Variants in PALM observed in about 807,000 individuals in gnomAD.
PALM encodes paralemmin.
PALM carries 18 observed loss-of-function variants against 30.7 expected under a neutral mutation model. That is an observed-to-expected ratio of 0.59 (90% CI 0.41 to 0.87). PALM has a LOEUF of 0.87. Ranked by LOEUF, PALM falls within the 40% of genes least tolerant of loss-of-function variation. The pLI, the probability that PALM is intolerant of heterozygous loss-of-function variation, is 0.00. For missense variants in PALM, 529 were observed against 555.4 expected (o/e 0.95, Z 0.48); for synonymous variants, 286 against 242.8 (o/e 1.18, Z -1.66).
At chr19:721,102 G>C (rs1353295445) in intron 1 of PALM, among the ~76,000 whole-genome samples, 1 of 152,176 alleles carries the variant, frequency 6.6e-6, no homozygotes. Context: ...GGGGAACCGT[G>C]TGTGAGAGGC....
intron 3 of PALM, among the ~76,000 whole-genome samples, 172 bp from the exon 4 acceptor site, chr19:727,391 GA>G (rs1230494414): frequency 6.7e-6 from 1 of 150,116 alleles, no homozygotes; most frequent in Non-Finnish European, 1.5e-5. Flanking sequence ...CCCAGACCCT[GA>G]CCCCCAACCT....
At chr19:733,107 G>C (rs1160916827) in intron 5 of PALM, among the ~76,000 whole-genome samples, 2 of 152,246 alleles carry the variant, frequency 1.3e-5, no homozygotes, top group Non-Finnish European at 2.9e-5. Flanking sequence ...TGTATTTTTA[G>C]TAGAGACAGG....
intron 1 of PALM, among the ~76,000 whole-genome samples, chr19:710,190 G>C (rs1006215637): frequency 6.6e-6 from 1 of 152,178 alleles, no homozygotes; most frequent in African/African-American, 2.4e-5. Flanking sequence ...CACTGGGCGT[G>C]TTTTCTAAGC....
rs1028294720 is a variant in PALM, at chr19:742,165, G to A, written c.634+1682G>A. 6.6e-6 allele frequency among the ~76,000 whole-genome samples: 1 copy of A among 152,028 alleles called. No individual in the cohort carries two copies. Among genetic ancestry groups the A allele is most frequent in the Non-Finnish European group, 1.5e-5 (1 of 68,006 alleles). On this transcript the variant is annotated intron_variant, in intron 8 of 8. Transcript: ENST00000338448. This position sits in a 1 kb window ranked among gnomAD's most constrained non-coding sequence, Gnocchi z 5.5. The stretch of plus-strand genomic sequence containing the variant: ...GACCAAGACCCTGTCTCAAAAACAA[G>A]AAAGAGGAGAGAAGCCCCATCCCCA...
chr19:719,480 CG>C (rs1599139701), intron 1 of PALM: 1 of 985,088 alleles, frequency 1.0e-6, no homozygotes, highest in Non-Finnish European at 1.2e-6. Flanking sequence ...GGGCGTCGGG[CG>C]GGGGGCGTGG....
intron 7 of PALM, among the ~76,000 whole-genome samples, chr19:739,914 GA>G: frequency 6.6e-6 from 1 of 152,198 alleles, no homozygotes; most frequent in Non-Finnish European, 1.5e-5. Context: ...GGTGAGTCCA[GA>G]TCACACCACT....
chr19:717,297 G>C (rs920021280), intron 1 of PALM, among the ~76,000 whole-genome samples: 5 of 151,986 alleles, frequency 3.3e-5, no homozygotes, highest in African/African-American at 4.8e-5. Flanking sequence ...GTCCCCATTA[G>C]GCATCCCCTC....
In PALM at chr19:746,649, C is replaced by G; in HGVS notation, c.999C>G (p.Asp333Glu). Residue 333 changes from aspartate to glutamate, a missense_variant, in exon 9 of 9, where the codon GAC becomes GAG. Physicochemically the swap from Asp to Glu is conservative, Grantham distance 45. Coordinates refer to ENST00000338448, the MANE Select transcript of PALM (RefSeq NM_002579.3). This position sits in a 1 kb window ranked among gnomAD's most constrained non-coding sequence, Gnocchi z 7.1. ...CGGCGGAGCTGGTGGTCATCGAAGA[C>G]GCGGCTGAGCCCAAGGAGCCTGCAC... The part of the protein sequence containing the change: ...TITAELVVIE[D>E]AAEPKEPAPP... 1 of 1,612,434 alleles carries G rather than the reference C, an allele frequency of 6.2e-7. No individual in the cohort carries two copies. Among genetic ancestry groups the G allele is most frequent in the Non-Finnish European group, 8.5e-7 (1 of 1,179,702 alleles).
At chr19:739,790 A>G (rs2033132828) in intron 7 of PALM, among the ~76,000 whole-genome samples, 1 of 152,012 alleles carries the variant, frequency 6.6e-6, no homozygotes, top group African/African-American at 2.4e-5. Context: ...AGCCTGACCA[A>G]CATAGAGAAA....
chr19:723,459 C>T (rs777056786), intron 1 of PALM, among the ~76,000 whole-genome samples: 3 of 152,120 alleles, frequency 2.0e-5, no homozygotes, highest in Non-Finnish European at 2.9e-5. Context: ...CTTGGGACAC[C>T]CACCGCCAAC....
chr19:722,198 G>T (rs565678567), intron 1 of PALM, among the ~76,000 whole-genome samples: 2 of 152,142 alleles, frequency 1.3e-5, no homozygotes, highest in South Asian at 2.1e-4. Context: ...GATTACAGGC[G>T]TGAGCCAGCG....
At chr19:710,472 C>A (rs547671238) in intron 1 of PALM, among the ~76,000 whole-genome samples, 2 of 152,202 alleles carry the variant, frequency 1.3e-5, no homozygotes, top group South Asian at 2.1e-4. Flanking sequence ...AGCCTCTGGG[C>A]CTCTGACAGC....
chr19:717,983 A>G (rs1191434911), intron 1 of PALM, among the ~76,000 whole-genome samples: 2 of 152,100 alleles, frequency 1.3e-5, no homozygotes, highest in African/African-American at 4.8e-5. Context: ...GGAGTTCGAG[A>G]CCAGCCTGGC....
At position 727,151 on chromosome 19, in the gene PALM, A is replaced by C. The variant is rs1190821204; in HGVS notation, c.138+63A>C. 4 of 1,102,180 alleles carry C rather than the reference A, an allele frequency of 3.6e-6. No homozygotes were observed. The Admixed American group carries it at 8.0e-5, about 22-fold the overall frequency. The allele number at this position is 1,102,180 out of a possible 1,614,324, so 68.3% of individuals were successfully genotyped here. A position where few individuals can be genotyped will look rare whatever the true frequency, so the allele number is the denominator to read the frequency against. ...GGCGGCTGTGAGGCGGAGGCCCCGG[A>C]CTCCTGCCCAACCCTGACCCTGACC... is the stretch of plus-strand genomic sequence containing the variant. On this transcript the variant is annotated intron_variant, in intron 3 of 8. Transcript: ENST00000338448.
rs1240783259 is a variant in PALM at position 725,156 on chromosome 19, C to G, written c.6-982C>G. Among the ~76,000 whole-genome samples the G allele has an allele frequency of 4.0e-5, 6 of 149,852 alleles. No individual in the cohort carries two copies. The East Asian group carries it at 1.1e-3, about 26-fold the overall frequency. On this transcript the variant is annotated intron_variant, in intron 1 of 8. Transcript: ENST00000338448. ...GGCCAGGCTGGTCTCGAACTCCTGA[C>G]CTCAAGTGATCCGCCTGCCTCAGCT...
At chr19:719,067 TCTTTC>T (rs1185676982) in intron 1 of PALM, 2 of 961,346 alleles carry the variant, frequency 2.1e-6, no homozygotes, top group African/African-American at 3.9e-5. Context: ...CACCGTCAGC[TCTTTC>T]CTTTCAATTA....
rs1240637654 is a variant in PALM, at chr19:735,970, A to T, written c.443-49A>T. The T allele has an allele frequency of 5.3e-6, 8 of 1,511,776 alleles. No homozygotes were observed. In the Admixed American group the frequency reaches 1.4e-4, roughly 27 times the overall value. The allele number at this position is 1,511,776 out of a possible 1,614,324, so 93.6% of individuals were successfully genotyped here. ...TTGGGCTGTCTGGGGGGTCCATGTG[A>T]CCTCTCCTCTGACCCTCATCTCTCT... On this transcript the variant is annotated intron_variant, in intron 6 of 8. Transcript: ENST00000338448.
In PALM at chr19:746,896, A is replaced by G; in HGVS notation, c.*82A>G. On this transcript the variant is annotated 3_prime_UTR_variant, in exon 9 of 9. Transcript: ENST00000338448. The surrounding 1 kb of genome is among the most constrained non-coding windows in gnomAD (Gnocchi z 7.1). ...CCCTCCCGGCGCCTGCCCACCCTCC[A>G]CCCACAGCCTCACGGGTCCAGGACT... is the stretch of plus-strand genomic sequence containing the variant. The G allele has an allele frequency of 1.4e-6, 1 of 697,838 alleles. No individual in the cohort carries two copies. The highest frequency in any genetic ancestry group is 2.2e-6 in the Non-Finnish European group (1 of 454,880). 43.2% of individuals were successfully genotyped at this position (697,838 alleles called of 1,614,324 possible).
intron 1 of PALM, among the ~76,000 whole-genome samples, chr19:721,525 C>T (rs1421158692): frequency 6.6e-6 from 1 of 152,044 alleles, no homozygotes; most frequent in Non-Finnish European, 1.5e-5. Context: ...CTTGGCCTCC[C>T]GAAGTGCTAG....
Sources: gnomAD v4.1 joint callset for allele counts (sites outside exome capture counted in the v4.1 genomes callset) on GRCh38, gnomAD v4.1.1 for gene constraint, Gnocchi (gnomAD v3.1) non-coding constraint, MANE v1.5 for transcripts, NCBI Gene and HGNC (gene_info 2026-07-23, HGNC 2026-07-21) for gene names.